TKT: variants seen among roughly 807,000 people sequenced by gnomAD.
TKT encodes the protein epididymis luminal protein 107.
Under a neutral mutation model 63.9 loss-of-function variants are expected in TKT, and 47 were observed. The observed-to-expected ratio is 0.74, with a 90% CI of 0.58 to 0.94. The LOEUF is 0.94. Among genes scored for constraint, TKT ranks in the 40% least tolerant of loss-of-function variants. The pLI is 0.00. For synonymous variants in TKT, 338 were observed against 334.1 expected (o/e 1.01, Z -0.13); for missense variants, 721 against 846.2 (o/e 0.85, Z 1.84).
At chr3:53,254,779 C>A (rs1198844142) in intron 1 of TKT, among the ~76,000 whole-genome samples, 3 of 152,252 alleles carry the variant, frequency 2.0e-5, no homozygotes, top group Non-Finnish European at 4.4e-5. Context: ...AATTCACTGA[C>A]TGACCCCCTC....
intron 4 of TKT, among the ~76,000 whole-genome samples, chr3:53,236,110 G>A (rs1553678568): frequency 6.6e-6 from 1 of 152,256 alleles, no homozygotes; most frequent in East Asian, 1.9e-4. Context: ...AGGGTGAGGA[G>A]TGGTAGGACT....
intron 5 of TKT, chr3:53,233,503 G>T: frequency 4.5e-6 from 2 of 448,410 alleles, no homozygotes; most frequent in Non-Finnish European, 7.9e-6. Flanking sequence ...CCTCTGAACA[G>T]GTTTTCCTCC....
In TKT at chr3:53,240,330, C is replaced by A. The variant is rs1033746001; in HGVS notation, c.358G>T (p.Val120Leu). The A allele has an allele frequency of 6.2e-7, 1 of 1,612,740 alleles. No homozygotes were observed. Among genetic ancestry groups the A allele is most frequent in the East Asian group, 2.2e-5 (1 of 44,848 alleles). Residue 120 changes from valine to leucine, a missense_variant, in exon 4 of 14, where the codon GTG (valine) becomes TTG (leucine). Coordinates refer to ENST00000462138, the MANE Select transcript of TKT (RefSeq NM_001064.4). ...CCCTGGCCCAGGGAGCCAGTGGCCA[C>A]GTCGGTGAAAGCTTGTTTCTGTCAT... ...HPVPKQAFTDVATGSLGQGLG... is the reference protein window; with the variant it reads ...HPVPKQAFTDLATGSLGQGLG...
At chr3:53,254,914 T>C (rs1237797143) in intron 1 of TKT, among the ~76,000 whole-genome samples, 5 of 152,158 alleles carry the variant, frequency 3.3e-5, no homozygotes, top group African/African-American at 1.2e-4. Context: ...CAGGGAAGGA[T>C]CTTGGGGCCT....
intron 1 of TKT, among the ~76,000 whole-genome samples, chr3:53,250,696 C>A (rs1222617915): frequency 6.6e-6 from 1 of 152,094 alleles, no homozygotes; most frequent in African/African-American, 2.4e-5. Context: ...CATTTGAGCC[C>A]AGGAGGCGGA....
At chr3:53,242,296 CT>C in intron 1 of TKT, 54 bp from the exon 2 acceptor site, 1 of 1,557,924 alleles carries the variant, frequency 6.4e-7, no homozygotes, top group Non-Finnish European at 8.8e-7. Context: ...CACTCCTGAG[CT>C]ATTGTGCTCA....
intron 10 of TKT, 167 bp downstream of exon 10, chr3:53,228,840 G>A: frequency 2.2e-6 from 2 of 924,718 alleles, no homozygotes; most frequent in Non-Finnish European, 3.3e-6. Flanking sequence ...AGTAAGTGGG[G>A]TGTGTATTTC....
At chr3:53,252,502 A>G (rs1705793882) in intron 1 of TKT, among the ~76,000 whole-genome samples, 1 of 152,166 alleles carries the variant, frequency 6.6e-6, no homozygotes, top group African/African-American at 2.4e-5. Context: ...ACACACAGTC[A>G]CTGTATTTTA....
intron 1 of TKT, among the ~76,000 whole-genome samples, chr3:53,243,169 G>A (rs782816973): frequency 1.6e-4 from 25 of 152,020 alleles, no homozygotes; most frequent in Non-Finnish European, 3.1e-4. Context: ...ATCACTGAGC[G>A]GCTCCTGAGC....
At chr3:53,244,084 C>G (rs1367966922) in intron 1 of TKT, among the ~76,000 whole-genome samples, 3 of 152,204 alleles carry the variant, frequency 2.0e-5, no homozygotes, top group Non-Finnish European at 4.4e-5. Flanking sequence ...AGAGGAAGGT[C>G]AGCTGCGAGG....
rs782313271 is a variant in TKT, at chr3:53,240,301, G to A, written c.387C>T (p.Leu129=). 55 of 1,613,162 alleles carry A rather than the reference G, an allele frequency of 3.4e-5. 1 individual carries two copies. The highest frequency in any genetic ancestry group is 2.7e-4 in the East Asian group (12 of 44,876). Reference sequence around the variant, plus strand: ...TGTAGGCCATCCCACAAGCGGCCCCGAGGCCCTGGCCCAGGGAGCCAGTGG... The same window carrying A: ...TGTAGGCCATCCCACAAGCGGCCCCAAGGCCCTGGCCCAGGGAGCCAGTGG... ...DVATGSLGQG[L]GAACGMAYTG... The change falls in exon 4 of 14, where the codon CTC becomes CTT. Residue 129 remains leucine (L), a synonymous_variant. Transcript: ENST00000462138.
At chr3:53,253,476 A>T (rs544302454) in intron 1 of TKT, among the ~76,000 whole-genome samples, 51 of 152,082 alleles carry the variant, frequency 3.4e-4, no homozygotes, top group African/African-American at 1.1e-3. Context: ...CTAGCCAATT[A>T]AAAAAAATGT....
In TKT at chr3:53,242,144, T is replaced by A; in HGVS notation, c.206A>T (p.Asp69Val). ...TCTTACCTTGGAGAGCACAAAGCGG[T>A]CATTGTGCGGATTCCGGGGGTCCTG... ...KSQDPRNPHN[D>V]RFVLSKGHAA... Residue 69 changes from aspartate (D) to valine (V), a missense_variant, in exon 2 of 14, where the codon GAC (aspartate) becomes GTC (valine). Coordinates refer to ENST00000462138, the MANE Select transcript of TKT (RefSeq NM_001064.4). 6.2e-7 allele frequency: 1 copy of A among 1,613,928 alleles called. No individual in the cohort carries two copies. The highest frequency in any genetic ancestry group is 1.1e-5 in the South Asian group (1 of 91,074).
At position 53,230,357 on chromosome 3, in the gene TKT, T is replaced by C. The variant is rs1232184089; in HGVS notation, c.1107+100A>G. 3.3e-6 allele frequency: 5 copies of C among 1,503,922 alleles called. No homozygotes were observed. The Admixed American group carries it at 8.7e-5, about 26-fold the overall frequency. 93.2% of individuals were successfully genotyped at this position (1,503,922 alleles called of 1,614,324 possible). The stretch of plus-strand genomic sequence containing the variant: ...TTCTTATAGTCTCCCTGGGCTGGCC[T>C]ACAGCAGGCACCTGGCTCTGCCAAC... On this transcript the variant is annotated intron_variant, in intron 8 of 13. Coordinates refer to ENST00000462138, the MANE Select transcript of TKT (RefSeq NM_001064.4).
At chr3:53,241,981 G>T (rs1705299523) in intron 2 of TKT, 144 bp downstream of exon 2, 2 of 736,836 alleles carry the variant, frequency 2.7e-6, no homozygotes, top group Non-Finnish European at 4.8e-6. Flanking sequence ...AGGACACTGA[G>T]GGAGAGGCCA....
At chr3:53,231,282 C>T in intron 7 of TKT, 75 bp downstream of exon 7, 2 of 1,542,680 alleles carry the variant, frequency 1.3e-6, no homozygotes, top group Admixed American at 1.8e-5. Flanking sequence ...CCCAGCCCTC[C>T]AGAGGGTGTA....
rs2229693 is a variant in TKT at position 53,225,735 on chromosome 3, G to A, written c.*21C>T. 1.2e-4 allele frequency: 193 copies of A among 1,588,650 alleles called. No homozygotes were observed. The African/African-American group carries it at 1.9e-3, about 16-fold the overall frequency. On this transcript the variant is annotated 3_prime_UTR_variant, in exon 14 of 14. Transcript: ENST00000462138. ...GAATCTCAGGAATGTATAGACCCCC[G>A]CCCCACACTTCATACCCGCCCTAGG...
At chr3:53,231,148 A>G (rs1704737900) in intron 7 of TKT, among the ~76,000 whole-genome samples, 1 of 152,170 alleles carries the variant, frequency 6.6e-6, no homozygotes, top group African/African-American at 2.4e-5. Context: ...TAAGTGGGCA[A>G]TTCCCTTGCC....
At chr3:53,227,074 G>A (rs1704532020) in intron 12 of TKT, 196 bp from the exon 13 acceptor site, 2 of 629,214 alleles carry the variant, frequency 3.2e-6, no homozygotes, top group Non-Finnish European at 2.7e-6. Context: ...CTTGCACTGG[G>A]GCATCTGGTC....
Sources: allele counts gnomAD v4.1 joint callset (sites outside exome capture counted in the v4.1 genomes callset), GRCh38; gene constraint gnomAD v4.1.1; transcripts MANE v1.5; gene names NCBI Gene and HGNC (gene_info 2026-07-23, HGNC 2026-07-21).